Variants in CCDC116 observed in about 807,000 individuals in gnomAD.
CCDC116 encodes the protein coiled-coil domain containing 116.
A neutral mutation model predicts 29.4 loss-of-function variants in CCDC116; 24 were observed. The ratio of observed to expected loss-of-function variants is 0.82; its 90% CI spans 0.59 to 1.15. The LOEUF (loss-of-function observed/expected upper bound fraction) is 1.15, where lower values mean the gene tolerates loss of function less well. Among genes scored for constraint, CCDC116 ranks in the 50% most tolerant of loss-of-function variants. CCDC116 has a pLI of 0.00. For missense variants in CCDC116, 791 were observed against 804.0 expected (o/e 0.98, Z 0.20); for synonymous variants, 298 against 331.4 (o/e 0.90, Z 1.10).
At chr22:21,633,961 C>A in intron 2 of CCDC116, 61 bp from the exon 3 acceptor site, 2 of 1,494,836 alleles carry the variant, frequency 1.3e-6, no homozygotes, top group Non-Finnish European at 1.8e-6. Flanking sequence ...CCTAGTGTTA[C>A]CCCAGGGAAC....
Position 21,634,814 on chromosome 22 carries a change from G to C in CCDC116, c.751G>C (p.Gly251Arg). Reference protein sequence around the residue: ...WFSGLLGSSSGVPEASEPRPG... With the variant: ...WFSGLLGSSSRVPEASEPRPG... The stretch of plus-strand genomic sequence containing the variant: ...CTCAGGGCTGCTGGGCTCAAGCTCT[G>C]GCGTGCCTGAAGCATCAGAGCCGAG... The change falls in exon 4 of 5, where the codon GGC (glycine) becomes CGC (arginine). Residue 251 changes from glycine to arginine, a missense_variant. Coordinates refer to ENST00000292779, the MANE Select transcript of CCDC116 (RefSeq NM_152612.3). 6.2e-7 allele frequency: 1 copy of C among 1,614,046 alleles called. No homozygotes were observed. Among genetic ancestry groups the C allele is most frequent in the Non-Finnish European group, 8.5e-7 (1 of 1,180,042 alleles).
intron 4 of CCDC116, chr22:21,635,945 G>A (rs1930783809): frequency 2.6e-6 from 1 of 389,372 alleles, no homozygotes; most frequent in African/African-American, 2.1e-5. Context: ...CCTCGAGCAG[G>A]ACTCTCCAGT....
In CCDC116 at chr22:21,635,238, C is replaced by A; in HGVS notation, c.1175C>A (p.Ala392Asp). ...DRGGSPSMSS[A>D]QVATRFKLKS... is the part of the protein sequence containing the mutation. Reference sequence around the variant, plus strand: ...GGAGGCTCCCCCTCCATGTCTAGTGCCCAGGTGGCCACCAGATTCAAACTC... The same window carrying A: ...GGAGGCTCCCCCTCCATGTCTAGTGACCAGGTGGCCACCAGATTCAAACTC... The change falls in exon 4 of 5, where the codon GCC (alanine) becomes GAC (aspartate). Residue 392 changes from alanine (A) to aspartate (D), a missense_variant. By Grantham distance (126) the Ala-to-Asp change is moderately radical. Transcript: ENST00000292779. 1.9e-6 allele frequency: 3 copies of A among 1,599,442 alleles called. No individual in the cohort carries two copies. The highest frequency in any genetic ancestry group is 3.3e-5 in the Admixed American group (2 of 60,000).
At chr22:21,635,444 G>T in intron 4 of CCDC116, 178 bp downstream of exon 4, 1 of 725,360 alleles carries the variant, frequency 1.4e-6, no homozygotes, top group Non-Finnish European at 2.5e-6. Context: ...GGTGGAGGTG[G>T]CCTGCAGCCA....
Position 21,635,049 on chromosome 22 carries a change from G to A in CCDC116, c.986G>A (p.Cys329Tyr), listed in dbSNP as rs771101044. Residue 329 changes from cysteine (C) to tyrosine (Y), a missense_variant, in exon 4 of 5, where the codon TGC becomes TAC. Cys to Tyr is a radical substitution (Grantham distance 194). Coordinates refer to ENST00000292779, the MANE Select transcript of CCDC116 (RefSeq NM_152612.3). ...GTGGATAAGCTCCGTGGCGCCCACT[G>A]CCGCGACGGCCGTCCTCTGTTCCCC... Reference protein sequence around the residue: ...QAVDKLRGAHCRDGRPLFPTS... With the variant: ...QAVDKLRGAHYRDGRPLFPTS... 1.9e-6 allele frequency: 3 copies of A among 1,609,504 alleles called. No individual in the cohort carries two copies. Among genetic ancestry groups the A allele is most frequent in the Non-Finnish European group, 2.5e-6 (3 of 1,179,980 alleles).
At chr22:21,633,061 A>G (rs778136755) in intron 1 of CCDC116, 59 bp from the exon 2 acceptor site, 2 of 802,024 alleles carry the variant, frequency 2.5e-6, no homozygotes, top group Non-Finnish European at 4.3e-6. Context: ...CGCAGACTCC[A>G]GGGCCACAGA....
Position 21,636,601 on chromosome 22 carries a change from GTA to G in CCDC116, c.1374_1375del (p.Ser458ArgfsTer43). On this transcript the variant is annotated frameshift_variant, in exon 5 of 5. Coordinates refer to ENST00000292779, the MANE Select transcript of CCDC116 (RefSeq NM_152612.3). LOFTEE classifies it low-confidence loss of function (END_TRUNC). The stretch of plus-strand genomic sequence containing the variant: ...AAGTACGAGTTCGAAAAGGACCTCA[GTA>G]AGCAGCTGGGCTTCTTCTCCTTCCC... The G allele has an allele frequency of 6.2e-7, 1 of 1,614,160 alleles. No individual in the cohort carries two copies. Among genetic ancestry groups the G allele is most frequent in the Non-Finnish European group, 8.5e-7 (1 of 1,180,030 alleles).
chr22:21,633,940 C>T (rs541413082), intron 2 of CCDC116, 82 bp from the exon 3 acceptor site: 2 of 1,384,458 alleles, frequency 1.4e-6, no homozygotes, highest in Admixed American at 2.2e-5. Flanking sequence ...ACTACTCACT[C>T]CCACCCAGGT....
At chr22:21,632,927 G>A in intron 1 of CCDC116, 100 bp downstream of exon 1, 1 of 656,708 alleles carries the variant, frequency 1.5e-6, no homozygotes, top group Non-Finnish European at 2.9e-6. Flanking sequence ...ATCGGAGACA[G>A]GATTGTCCTC....
chr22:21,633,932 T>A (rs1233062347), intron 2 of CCDC116, 90 bp from the exon 3 acceptor site: 2 of 1,310,446 alleles, frequency 1.5e-6, no homozygotes, highest in Non-Finnish European at 2.1e-6. Flanking sequence ...CTCCTTCCAC[T>A]ACTCACTCCC....
intron 2 of CCDC116, 52 bp downstream of exon 2, chr22:21,633,305 C>G: frequency 7.1e-7 from 1 of 1,407,066 alleles, no homozygotes. Context: ...ATGTTCCCCA[C>G]CAACCCTGGC....
chr22:21,632,788 C>G lies in CCDC116; in HGVS notation c.-102C>G, dbSNP rs1170853827. On this transcript the variant is annotated 5_prime_UTR_variant, in exon 1 of 5. Coordinates refer to ENST00000292779, the MANE Select transcript of CCDC116 (RefSeq NM_152612.3). ...CTGTGCAGCTGCTCCAGTGAGGGCG[C>G]AGACTGTACTGGCCTGTGCGGAGCA... 1.1e-5 allele frequency: 4 copies of G among 367,998 alleles called. No homozygotes were observed. The highest frequency in any genetic ancestry group is 3.8e-5 in the Admixed American group (1 of 26,554). The allele number at this position is 367,998 out of a possible 1,614,324, so 22.8% of individuals were successfully genotyped here.
intron 3 of CCDC116, 50 bp from the exon 4 acceptor site, chr22:21,634,635 C>T: frequency 1.3e-6 from 2 of 1,568,654 alleles, no homozygotes; most frequent in Non-Finnish European, 8.7e-7. Flanking sequence ...TAGGGTCAGC[C>T]CTGGCTTGGC....
intron 1 of CCDC116, 140 bp downstream of exon 1, chr22:21,632,967 T>A (rs1282864966): frequency 1.4e-6 from 1 of 698,946 alleles, no homozygotes; most frequent in Non-Finnish European, 2.7e-6. Context: ...CTCTGGAAAC[T>A]GCCTGCCTGC....
chr22:21,637,100 G>C lies in CCDC116; in HGVS notation c.*30G>C, dbSNP rs750447299. On this transcript the variant is annotated 3_prime_UTR_variant, in exon 5 of 5. Coordinates refer to ENST00000292779, the MANE Select transcript of CCDC116 (RefSeq NM_152612.3). ...TCCCAGAGCCTGGAGAGGAGGCCTC[G>C]GTCAGCCACTCCGTGGACGTGGGCC... 1.9e-6 allele frequency: 3 copies of C among 1,562,096 alleles called. No homozygotes were observed. The highest frequency in any genetic ancestry group is 2.6e-6 in the Non-Finnish European group (3 of 1,152,750).
In CCDC116 at chr22:21,637,215, G is replaced by A. The variant is rs2066041008; in HGVS notation, c.*145G>A. On this transcript the variant is annotated 3_prime_UTR_variant, in exon 5 of 5. Coordinates refer to ENST00000292779, the MANE Select transcript of CCDC116 (RefSeq NM_152612.3). ...ATCACACCAGCCCCTGCCAAGAGCA[G>A]GAGTCACCACAGGCTGAATGCCCAC... 7.7e-7 allele frequency: 1 copy of A among 1,291,148 alleles called. No individual in the cohort carries two copies. Among genetic ancestry groups the A allele is most frequent in the Non-Finnish European group, 1.0e-6 (1 of 969,698 alleles). 80.0% of individuals were successfully genotyped at this position (1,291,148 alleles called of 1,614,324 possible). A position where few individuals can be genotyped will look rare whatever the true frequency, so the allele number is the denominator to read the frequency against.
chr22:21,636,618 T>G lies in CCDC116; in HGVS notation c.1390T>G (p.Phe464Val), dbSNP rs369036169. 5.3e-5 allele frequency: 86 copies of G among 1,614,024 alleles called. No individual in the cohort carries two copies. Among genetic ancestry groups the G allele is most frequent in the Middle Eastern group, 4.9e-4 (3 of 6,084 alleles). The change falls in exon 5 of 5, where the codon TTC (phenylalanine) becomes GTC (valine). Residue 464 changes from phenylalanine to valine, a missense_variant. Coordinates refer to ENST00000292779, the MANE Select transcript of CCDC116 (RefSeq NM_152612.3). ...EKDLSKQLGF[F>V]SFPITHVLRD... ...GGACCTCAGTAAGCAGCTGGGCTTCTTCTCCTTCCCCATCACCCACGTGCT... is the reference window on the plus strand; with the variant it reads ...GGACCTCAGTAAGCAGCTGGGCTTCGTCTCCTTCCCCATCACCCACGTGCT...
In CCDC116 at chr22:21,635,207, G is replaced by A. The variant is rs759082074; in HGVS notation, c.1144G>A (p.Asp382Asn). 7.3e-5 allele frequency: 116 copies of A among 1,599,958 alleles called. No homozygotes were observed. Among genetic ancestry groups the A allele is most frequent in the Non-Finnish European group, 9.1e-5 (107 of 1,179,958 alleles). The change falls in exon 4 of 5, where the codon GAC (aspartate) becomes AAC (asparagine). Residue 382 changes from aspartate (D) to asparagine (N), a missense_variant. Coordinates refer to ENST00000292779, the MANE Select transcript of CCDC116 (RefSeq NM_152612.3). ...CAAGATGCTTCAGAGAAAACGCAAG[G>A]ACAGAGGAGGCTCCCCCTCCATGTC... ...SPKMLQRKRK[D>N]RGGSPSMSSA...
chr22:21,635,221 C>A lies in CCDC116; in HGVS notation c.1158C>A (p.Ser386=). 6.3e-7 allele frequency: 1 copy of A among 1,599,786 alleles called. No homozygotes were observed. Among genetic ancestry groups the A allele is most frequent in the Non-Finnish European group, 8.5e-7 (1 of 1,179,944 alleles). Residue 386 remains serine (S), a synonymous_variant, in exon 4 of 5, where the codon TCC becomes TCA. Coordinates refer to ENST00000292779, the MANE Select transcript of CCDC116 (RefSeq NM_152612.3). ...GAAAACGCAAGGACAGAGGAGGCTC[C>A]CCCTCCATGTCTAGTGCCCAGGTGG... ...LQRKRKDRGG[S]PSMSSAQVAT... is the part of the protein sequence containing the mutation.
Sources: gnomAD v4.1 joint callset for allele counts on GRCh38, gnomAD v4.1.1 for gene constraint, MANE v1.5 for transcripts, NCBI Gene and HGNC (gene_info 2026-07-23, HGNC 2026-07-21) for gene names.